LPXN: variants seen among roughly 807,000 people sequenced by gnomAD.
LPXN encodes leupaxin.
A neutral mutation model predicts 45.6 loss-of-function variants in LPXN; 28 were observed. The ratio of observed to expected loss-of-function variants is 0.61; its 90% CI spans 0.45 to 0.84. The LOEUF (loss-of-function observed/expected upper bound fraction) is 0.84. LPXN is among the 40% of genes least tolerant of loss of function. The pLI, the probability that LPXN is intolerant of heterozygous loss-of-function variation, is 0.00. For synonymous variants in LPXN, 166 were observed against 169.9 expected, an observed-to-expected ratio of 0.98 and a Z score of 0.18; for missense variants, 459 against 475.0, an observed-to-expected ratio of 0.97 and a Z score of 0.31.
At chr11:58,527,910 C>T (rs561238054) in intron 8 of LPXN, 133 bp downstream of exon 8, 38 of 1,196,346 alleles carry the variant, frequency 3.2e-5, no homozygotes, top group African/African-American at 9.2e-5. Flanking sequence ...ATCTGTATCT[C>T]GTTTCTCCTT....
rs200421857 is a variant in LPXN at position 58,554,797 on chromosome 11, G to A, written c.318+44C>T. The A allele has an allele frequency of 2.8e-4, 427 of 1,509,510 alleles. 1 individual carries two copies. The African/African-American group carries it at 5.5e-3, about 20-fold the overall frequency. The allele number at this position is 1,509,510 out of a possible 1,614,324, so 93.5% of individuals were successfully genotyped here. A position where few individuals can be genotyped will look rare whatever the true frequency, so the allele number is the denominator to read the frequency against. On this transcript the variant is annotated intron_variant, in intron 4 of 8. Transcript: ENST00000395074. ...CCCCATGGGCCCTGTTTATCATCTG[G>A]ACTGCACTCACCTTGGCCTGCACTC... is the stretch of plus-strand genomic sequence containing the variant.
At chr11:58,560,360 T>C (rs991132227) in intron 3 of LPXN, among the ~76,000 whole-genome samples, 1 of 151,342 alleles carries the variant, frequency 6.6e-6, no homozygotes, top group Admixed American at 6.6e-5. Flanking sequence ...TGTTCTAAAA[T>C]ATAAAATTAA....
chr11:58,532,170 T>C (rs2120189354), intron 7 of LPXN, among the ~76,000 whole-genome samples: 1 of 152,344 alleles, frequency 6.6e-6, no homozygotes, highest in South Asian at 2.1e-4. Context: ...TTGCCAGGCC[T>C]CAGCTGCCTC....
intron 4 of LPXN, among the ~76,000 whole-genome samples, chr11:58,552,579 T>C (rs1437043795): frequency 6.6e-6 from 1 of 152,232 alleles, no homozygotes; most frequent in Non-Finnish European, 1.5e-5. Context: ...ACAGCTGGGC[T>C]CTTCATCTCC....
chr11:58,578,872 G>C (rs1410470589), upstream of LPXN, among the ~76,000 whole-genome samples: 1 of 151,626 alleles, frequency 6.6e-6, no homozygotes, highest in Admixed American at 6.5e-5. Flanking sequence ...TGGGATTGTC[G>C]CGAGACACAG....
At chr11:58,550,923 G>T in intron 5 of LPXN, 142 bp downstream of exon 5, 1 of 663,426 alleles carries the variant, frequency 1.5e-6, no homozygotes, top group Non-Finnish European at 2.3e-6. Flanking sequence ...AAAGCACTTA[G>T]CTCAGTGGCC....
At chr11:58,556,607 C>G (rs561257991) in intron 3 of LPXN, among the ~76,000 whole-genome samples, 12 of 151,524 alleles carry the variant, frequency 7.9e-5, no homozygotes, top group Non-Finnish European at 1.5e-4. Context: ...TAATAATTTC[C>G]CAGGAAAATG....
intron 2 of LPXN, among the ~76,000 whole-genome samples, chr11:58,570,005 G>GA (rs1178930167): frequency 6.6e-6 from 1 of 151,990 alleles, no homozygotes; most frequent in East Asian, 1.9e-4. Context: ...GTGCTCATTA[G>GA]AAAAAATGTA....
chr11:58,578,568 C>G (rs1454952004), upstream of LPXN, among the ~76,000 whole-genome samples: 1 of 152,222 alleles, frequency 6.6e-6, no homozygotes, highest in Non-Finnish European at 1.5e-5. Flanking sequence ...AATACTACCC[C>G]CTTCTCCGCG....
At chr11:58,570,082 T>A (rs149432839) in intron 2 of LPXN, among the ~76,000 whole-genome samples, 4,542 of 152,146 alleles carry the variant, frequency 0.03, 228 homozygotes, top group African/African-American at 0.1. Flanking sequence ...GGCGGGTGAA[T>A]CACCTCAGGT....
At chr11:58,534,211 C>T (rs900569002) in intron 7 of LPXN, among the ~76,000 whole-genome samples, 3 of 152,332 alleles carry the variant, frequency 2.0e-5, no homozygotes, top group African/African-American at 4.8e-5. Context: ...CCGAAATCAA[C>T]AGAATATACA....
At chr11:58,538,079 A>G (rs1853608427) in intron 7 of LPXN, among the ~76,000 whole-genome samples, 1 of 151,992 alleles carries the variant, frequency 6.6e-6, no homozygotes. Context: ...AATTTCATCC[A>G]TGTCCCTACA....
intron 7 of LPXN, among the ~76,000 whole-genome samples, chr11:58,540,868 T>A (rs2510549): frequency 1.3e-5 from 2 of 152,088 alleles, no homozygotes; most frequent in Admixed American, 1.3e-4. Context: ...CACAAATCAA[T>A]GAATAGCCGC....
chr11:58,553,854 C>A (rs957187887), intron 4 of LPXN: 1 of 152,138 alleles, frequency 6.6e-6, no homozygotes, highest in South Asian at 2.1e-4. Flanking sequence ...TGTGAGCTCA[C>A]CACTTTAGAG....
At chr11:58,537,085 T>C (rs1853575528) in intron 7 of LPXN, among the ~76,000 whole-genome samples, 1 of 126,662 alleles carries the variant, frequency 7.9e-6, no homozygotes, top group Non-Finnish European at 1.8e-5. Context: ...AGTTCAACCA[T>C]TGTGGAAGAC....
upstream of LPXN, among the ~76,000 whole-genome samples, chr11:58,576,362 T>C (rs1565209283): frequency 6.6e-6 from 1 of 152,200 alleles, no homozygotes. Context: ...ATGCTTGGAT[T>C]CTCAGGGCCT....
chr11:58,540,411 G>A (rs894448945), intron 7 of LPXN, among the ~76,000 whole-genome samples: 1 of 152,138 alleles, frequency 6.6e-6, no homozygotes, highest in African/African-American at 2.4e-5. Flanking sequence ...AATAGGAATT[G>A]TAAATGATAA....
intron 7 of LPXN, among the ~76,000 whole-genome samples, chr11:58,533,512 C>G (rs1038147617): frequency 4.6e-5 from 7 of 152,192 alleles, no homozygotes; most frequent in African/African-American, 1.7e-4. Context: ...ACAAGAGCTC[C>G]TGAAGGAAGC....
chr11:58,569,675 C>T lies in LPXN; in HGVS notation c.171+881G>A, dbSNP rs141068123. ...AAAGTGCTGAAATTACAGGCCTGAG[C>T]CACTGCACCTGCCCTAGGTTTTTAA... On this transcript the variant is annotated intron_variant, in intron 2 of 8. Coordinates refer to ENST00000395074, the MANE Select transcript of LPXN (RefSeq NM_004811.3). Among the ~76,000 whole-genome samples, 60 of 152,286 alleles carry T rather than the reference C, an allele frequency of 3.9e-4. No homozygotes were observed. The East Asian group carries it at 9.7e-3, about 25-fold the overall frequency.
Sources: allele counts gnomAD v4.1 joint callset (sites outside exome capture counted in the v4.1 genomes callset), GRCh38; gene constraint gnomAD v4.1.1; transcripts MANE v1.5; gene names NCBI Gene and HGNC (gene_info 2026-07-23, HGNC 2026-07-21).